LRFN5: variants seen among roughly 807,000 people sequenced by gnomAD.
LRFN5 encodes leucine rich repeat and fibronectin type III domain containing 5, also known as leucine-rich repeat and fibronectin type-III domain-containing protein 5.
In LRFN5, 24 loss-of-function variants were observed where a neutral mutation model predicts 45.6. The ratio of observed to expected loss-of-function variants is 0.53; its 90% CI spans 0.38 to 0.74. The LOEUF (loss-of-function observed/expected upper bound fraction) is 0.74, where lower values mean the gene tolerates loss of function less well. Ranked by LOEUF, LRFN5 falls within the 30% of genes least tolerant of loss-of-function variation. The probability of loss-of-function intolerance (pLI) is 0.00; values close to 1 mark genes in which losing one functional copy is unlikely to be tolerated. For missense variants in LRFN5, 776 were observed against 861.5 expected, an observed-to-expected ratio of 0.90 and a Z score of 1.24; for synonymous variants, 340 against 313.8, an observed-to-expected ratio of 1.08 and a Z score of -0.88.
chr14:41,862,475 C>T (rs1381782026), intron 2 of LRFN5, among the ~76,000 whole-genome samples: 2 of 151,584 alleles, frequency 1.3e-5, no homozygotes, highest in Admixed American at 1.3e-4. Context: ...ATTTGAATTC[C>T]TTCTTTTTTT....
At chr14:41,729,677 T>C (rs1884085380) in intron 1 of LRFN5, among the ~76,000 whole-genome samples, 1 of 152,114 alleles carries the variant, frequency 6.6e-6, no homozygotes, top group African/African-American at 2.4e-5. Flanking sequence ...GATATCTTAA[T>C]TCTTGTACAC....
chr14:41,853,848 T>C (rs772679900), intron 2 of LRFN5, among the ~76,000 whole-genome samples: 3 of 152,112 alleles, frequency 2.0e-5, no homozygotes, highest in Non-Finnish European at 4.4e-5. Context: ...ATTTGATGAC[T>C]GAGGATAGTG....
rs549771928 is a variant in LRFN5, at chr14:41,844,310, A to G, written c.-20-42296A>G. On this transcript the variant is annotated intron_variant, in intron 2 of 5. Coordinates refer to ENST00000298119, the MANE Select transcript of LRFN5 (RefSeq NM_152447.5). ...AAATTAGCCAGGCGTGGTGGTGGGC[A>G]CCTGTAGTCCCAGCTACTCGGGAGG... Among the ~76,000 whole-genome samples, 517 of 151,560 alleles carry G rather than the reference A, an allele frequency of 3.4e-3. 2 individuals carry two copies. The highest frequency in any genetic ancestry group is 0.011 in the African/African-American group (439 of 41,298).
intron 2 of LRFN5, among the ~76,000 whole-genome samples, chr14:41,772,887 A>G (rs1886140528): frequency 6.6e-6 from 1 of 152,120 alleles, no homozygotes; most frequent in Non-Finnish European, 1.5e-5. Context: ...AAATTCATCT[A>G]CTTTTCCCTA....
At chr14:41,801,258 A>T (rs1887320778) in intron 2 of LRFN5, among the ~76,000 whole-genome samples, 1 of 152,076 alleles carries the variant, frequency 6.6e-6, no homozygotes, top group African/African-American at 2.4e-5. Context: ...CCTCCCTTAA[A>T]AACTGTTATG....
chr14:41,728,610 G>C (rs1360142884), intron 1 of LRFN5, among the ~76,000 whole-genome samples: 1 of 152,110 alleles, frequency 6.6e-6, no homozygotes, highest in Non-Finnish European at 1.5e-5. Flanking sequence ...ATTAAGATTA[G>C]AATCTATTCA....
At chr14:41,673,545 C>G (rs553329335) in intron 1 of LRFN5, among the ~76,000 whole-genome samples, 5 of 143,726 alleles carry the variant, frequency 3.5e-5, no homozygotes, top group Admixed American at 6.8e-5. Context: ...CCTCACCTCC[C>G]GGACGGGGCG....
Position 41,634,348 on chromosome 14 carries a change from G to A in LRFN5, c.-197+25786G>A, listed in dbSNP as rs1305344625. On this transcript the variant is annotated intron_variant, in intron 1 of 5. Coordinates refer to ENST00000298119, the MANE Select transcript of LRFN5 (RefSeq NM_152447.5). ...CAAAAATATGTCACTAAGTTAGGAA[G>A]TTCTTCTAGTGATGGAATCATCCAG... Among the ~76,000 whole-genome samples the A allele has an allele frequency of 2.6e-5, 4 of 152,146 alleles. No homozygotes were observed. In the East Asian group the frequency reaches 7.7e-4, roughly 29 times the overall value.
At chr14:41,693,325 T>C (rs1005658544) in intron 1 of LRFN5, among the ~76,000 whole-genome samples, 1 of 152,108 alleles carries the variant, frequency 6.6e-6, no homozygotes, top group Non-Finnish European at 1.5e-5. Flanking sequence ...TAAATTGTTG[T>C]TGGCATAAAA....
intron 1 of LRFN5, among the ~76,000 whole-genome samples, chr14:41,674,695 G>C (rs1176794076): frequency 6.6e-6 from 1 of 150,564 alleles, no homozygotes; most frequent in Non-Finnish European, 1.5e-5. Flanking sequence ...CTGGCTGGGC[G>C]GGGGGCTGAC....
chr14:41,773,714 T>C (rs1886174093), intron 2 of LRFN5, among the ~76,000 whole-genome samples: 1 of 152,140 alleles, frequency 6.6e-6, no homozygotes, highest in Non-Finnish European at 1.5e-5. Context: ...AAGCTACAAA[T>C]AGTCATGTGA....
chr14:41,842,712 A>AT (rs546094972), intron 2 of LRFN5, among the ~76,000 whole-genome samples: 39 of 152,084 alleles, frequency 2.6e-4, no homozygotes, highest in Non-Finnish European at 4.6e-4. Flanking sequence ...GATGTATAAC[A>AT]TTTTTTTACC....
In LRFN5 at chr14:41,892,788, G is replaced by A. The variant is rs1330502288; in HGVS notation, c.2098+826G>A. The A allele has an allele frequency of 1.3e-5, 13 of 985,036 alleles. No homozygotes were observed. In the East Asian group the frequency reaches 3.4e-4, roughly 26 times the overall value. 61.0% of individuals were successfully genotyped at this position (985,036 alleles called of 1,614,324 possible). A position where few individuals can be genotyped will look rare whatever the true frequency, so the allele number is the denominator to read the frequency against. ...GAAAGAAGAAAGTGCAATTTATTTC[G>A]CATTTATGAAAACTCTAATCAGTTT... On this transcript the variant is annotated intron_variant, in intron 4 of 5. Transcript: ENST00000298119.
At chr14:41,657,763 C>A (rs1342668613) in intron 1 of LRFN5, among the ~76,000 whole-genome samples, 1 of 151,830 alleles carries the variant, frequency 6.6e-6, no homozygotes, top group African/African-American at 2.4e-5. Context: ...ATTTAATAAA[C>A]CTTCCCAATT....
intron 1 of LRFN5, among the ~76,000 whole-genome samples, chr14:41,695,972 A>G (rs1298003505): frequency 6.6e-6 from 1 of 151,926 alleles, no homozygotes; most frequent in Non-Finnish European, 1.5e-5. Flanking sequence ...AAGCTTCTGG[A>G]AAAGATTAAC....
At chr14:41,652,141 G>A (rs1450149781) in intron 1 of LRFN5, among the ~76,000 whole-genome samples, 5 of 151,964 alleles carry the variant, frequency 3.3e-5, no homozygotes, top group Admixed American at 3.3e-4. Flanking sequence ...ATAGATAAAT[G>A]AATTAATTTT....
intron 3 of LRFN5, among the ~76,000 whole-genome samples, chr14:41,889,011 A>ATATG (rs758790778): frequency 6.7e-6 from 1 of 148,592 alleles, no homozygotes; most frequent in Non-Finnish European, 1.5e-5. Flanking sequence ...ACATATATAT[A>ATATG]TGTGTGTGTA....
intron 1 of LRFN5, among the ~76,000 whole-genome samples, chr14:41,610,776 C>CT (rs144578283): frequency 0.029 from 4,265 of 147,842 alleles, 102 homozygotes; most frequent in African/African-American, 0.065. Flanking sequence ...TATCTTCTCT[C>CT]TTTTTTTTTG....
intron 1 of LRFN5, among the ~76,000 whole-genome samples, chr14:41,673,661 G>C (rs1217502135): frequency 7.0e-6 from 1 of 142,964 alleles, no homozygotes; most frequent in Non-Finnish European, 1.5e-5. Flanking sequence ...GCAGCTGGCC[G>C]GGCAGGGGGG....
Sources: gnomAD v4.1 joint callset for allele counts (sites outside exome capture counted in the v4.1 genomes callset) on GRCh38, gnomAD v4.1.1 for gene constraint, MANE v1.5 for transcripts, NCBI Gene and HGNC (gene_info 2026-07-23, HGNC 2026-07-21) for gene names.